The following ITGA11 variants were observed in gnomAD, a reference collection of about 807,000 sequenced individuals.
The protein encoded by ITGA11 is integrin alpha-11.
ITGA11 carries 97 observed loss-of-function variants against 141.9 expected under a neutral mutation model. That is an observed-to-expected ratio of 0.68 (90% confidence interval 0.58 to 0.81). The LOEUF is 0.81. ITGA11 is among the 30% of genes least tolerant of loss of function. The pLI is 0.00. For missense variants in ITGA11, 1,387 were observed against 1,559.2 expected, an observed-to-expected ratio of 0.89 and a Z score of 1.86; for synonymous variants, 658 against 624.6, an observed-to-expected ratio of 1.05 and a Z score of -0.80.
In ITGA11 at chr15:68,326,756, T is replaced by C. The variant is rs1388586283; in HGVS notation, c.2109A>G (p.Thr703=). ...YNATMDERRY[T]PRAHLDEGGD... Reference sequence around the variant, plus strand: ...CGCCCTCGTCCAGGTGGGCCCTCGGTGTATACCGCCTCTCATCCATGGTGG... The same window carrying C: ...CGCCCTCGTCCAGGTGGGCCCTCGGCGTATACCGCCTCTCATCCATGGTGG... Residue 703 remains threonine, a synonymous_variant, in exon 17 of 30, where the codon ACA becomes ACG. Transcript: ENST00000315757. This position sits in a 1 kb window ranked among gnomAD's most constrained non-coding sequence, Gnocchi z 6.8. 1 of 1,581,090 alleles carries C rather than the reference T, an allele frequency of 6.3e-7. No homozygotes were observed. Among genetic ancestry groups the C allele is most frequent in the East Asian group, 2.3e-5 (1 of 42,990 alleles).
intron 2 of ITGA11, among the ~76,000 whole-genome samples, chr15:68,371,557 A>C (rs916824625): frequency 1.3e-5 from 2 of 152,224 alleles, no homozygotes; most frequent in Admixed American, 1.3e-4. Flanking sequence ...GTACTAAAAA[A>C]TACAAAAAAA....
At chr15:68,380,675 C>T (rs1895838962) in intron 2 of ITGA11, among the ~76,000 whole-genome samples, 1 of 152,168 alleles carries the variant, frequency 6.6e-6, no homozygotes, top group Non-Finnish European at 1.5e-5. Context: ...GGCTGGGGCT[C>T]ACAGGGAGGG....
At chr15:68,390,355 C>A (rs1278522479) in intron 2 of ITGA11, among the ~76,000 whole-genome samples, 1 of 152,094 alleles carries the variant, frequency 6.6e-6, no homozygotes, top group East Asian at 1.9e-4. Context: ...CTCACTGGTG[C>A]CTGAGGTGGG....
chr15:68,336,009 C>T (rs1894344766), intron 11 of ITGA11, 164 bp from the exon 12 acceptor site: 4 of 804,354 alleles, frequency 5.0e-6, no homozygotes, highest in South Asian at 3.6e-5. Flanking sequence ...CTAGGGGCAG[C>T]TGGGGAGGCC....
intron 10 of ITGA11, among the ~76,000 whole-genome samples, chr15:68,345,625 C>G (rs535459830): frequency 6.6e-6 from 1 of 152,356 alleles, no homozygotes; most frequent in Non-Finnish European, 1.5e-5. Flanking sequence ...TAAACAGGCC[C>G]GGGGAAGCCC....
chr15:68,323,007 C>T (rs780637305), intron 18 of ITGA11, among the ~76,000 whole-genome samples: 2 of 152,142 alleles, frequency 1.3e-5, no homozygotes, highest in Admixed American at 6.5e-5. Flanking sequence ...CTGTCACTAC[C>T]GACAACACAG....
intron 20 of ITGA11, among the ~76,000 whole-genome samples, chr15:68,317,833 A>G (rs1000869334): frequency 2.6e-5 from 4 of 152,082 alleles, no homozygotes; most frequent in African/African-American, 9.7e-5. Flanking sequence ...ACCTGGGCAC[A>G]TGGCTGTGTA....
rs78875231 is a variant in ITGA11, at chr15:68,322,201, G to C, written c.2323-698C>G. Among the ~76,000 whole-genome samples, 1,267 of 152,318 alleles carry C rather than the reference G, an allele frequency of 8.3e-3. 28 individuals carry two copies. Among genetic ancestry groups the C allele is most frequent in the African/African-American group, 0.029 (1,213 of 41,560 alleles). ...CAGGGGTGGGAGAGAGGAAGAGATG[G>C]TCAGGGGCCTGTGTTTACAGGGCCT... On this transcript the variant is annotated intron_variant, in intron 18 of 29. Coordinates refer to ENST00000315757, the MANE Select transcript of ITGA11 (RefSeq NM_001004439.2). This position sits in a 1 kb window ranked among gnomAD's most constrained non-coding sequence, Gnocchi z 5.6.
At chr15:68,398,028 G>A (rs1219913572) in intron 2 of ITGA11, among the ~76,000 whole-genome samples, 16 of 150,942 alleles carry the variant, frequency 1.1e-4, no homozygotes, top group Admixed American at 2.0e-4. Context: ...AGGAACAACC[G>A]GTACCAGCCG....
chr15:68,400,570 T>C (rs1377506239), intron 2 of ITGA11, among the ~76,000 whole-genome samples: 2 of 108,908 alleles, frequency 1.8e-5, no homozygotes, highest in African/African-American at 7.1e-5. Flanking sequence ...ATATAATATA[T>C]ACAGAATATA....
In ITGA11 at chr15:68,322,513, G is replaced by A. The variant is rs1240927959; in HGVS notation, c.2323-1010C>T. Among the ~76,000 whole-genome samples the A allele has an allele frequency of 6.6e-6, 1 of 152,108 alleles. No homozygotes were observed. Among genetic ancestry groups the A allele is most frequent in the African/African-American group, 2.4e-5 (1 of 41,412 alleles). ...CGGGGCTGAGGGAGAAAGGGGTCCA[G>A]GGTGTCAGCTGAGTTTCTTTTTTAG... is the stretch of plus-strand genomic sequence containing the variant. On this transcript the variant is annotated intron_variant, in intron 18 of 29. Transcript: ENST00000315757. This position sits in a 1 kb window ranked among gnomAD's most constrained non-coding sequence, Gnocchi z 5.6.
At chr15:68,403,052 G>C (rs772801182) in intron 1 of ITGA11, 23 bp from the exon 2 acceptor site, 8 of 1,523,596 alleles carry the variant, frequency 5.3e-6, no homozygotes, top group Non-Finnish European at 7.3e-6. Context: ...GAGAGGAGAG[G>C]AGAAGCAGGG....
rs746256752 is a variant in ITGA11, at chr15:68,332,047, T to G, written c.1582A>C (p.Asn528His). Residue 528 changes from asparagine (N) to histidine (H), a missense_variant, in exon 14 of 30, where the codon AAC (asparagine) becomes CAC (histidine). Physicochemically the swap from Asn to His is moderately conservative, Grantham distance 68. Coordinates refer to ENST00000315757, the MANE Select transcript of ITGA11 (RefSeq NM_001004439.2). ...CTGTGTGAATCCTTTAGCGTTCCGT[T>G]ATAAACAAACAGGTTCTGCAAAACC... ...YELRQNLFVY[N>H]GTLKDSHSYQ... The G allele has an allele frequency of 1.1e-5, 17 of 1,604,260 alleles. No homozygotes were observed. The highest frequency in any genetic ancestry group is 5.1e-5 in the Admixed American group (3 of 58,320).
Position 68,305,518 on chromosome 15 carries a change from C to T in ITGA11, c.3382-1633G>A, listed in dbSNP as rs746374914. Among the ~76,000 whole-genome samples the T allele has an allele frequency of 2.0e-5, 3 of 152,140 alleles. No homozygotes were observed. Among genetic ancestry groups the T allele is most frequent in the South Asian group, 2.1e-4 (1 of 4,832 alleles). On this transcript the variant is annotated intron_variant, in intron 28 of 29. Coordinates refer to ENST00000315757, the MANE Select transcript of ITGA11 (RefSeq NM_001004439.2). This position sits in a 1 kb window ranked among gnomAD's most constrained non-coding sequence, Gnocchi z 4.6. ...GAATGTAGCAGGAGCTCAGCTAACA[C>T]GTGGAGTGAATGGACCACCTGCAAC...
chr15:68,393,502 A>G (rs1057165397), intron 2 of ITGA11, among the ~76,000 whole-genome samples: 4 of 152,194 alleles, frequency 2.6e-5, no homozygotes, highest in African/African-American at 9.6e-5. Flanking sequence ...ATTCAAAAGA[A>G]TGATAAAACT....
At position 68,325,370 on chromosome 15, in the gene ITGA11, T is replaced by A. The variant is rs1249596837; in HGVS notation, c.2212-129A>T. 4.4e-6 allele frequency: 3 copies of A among 675,208 alleles called. No individual in the cohort carries two copies. The highest frequency in any genetic ancestry group is 8.1e-6 in the Non-Finnish European group (3 of 371,908). The allele number at this position is 675,208 out of a possible 1,614,324, so 41.8% of individuals were successfully genotyped here. On this transcript the variant is annotated intron_variant, in intron 17 of 29. Transcript: ENST00000315757. This position sits in a 1 kb window ranked among gnomAD's most constrained non-coding sequence, Gnocchi z 5.5. ...GGGCAGCTGCCCTGTGCCCTCAGGG[T>A]GAGTCTGCAGGTGGATGGAGGTTTC...
At position 68,299,736 on chromosome 15, in the gene ITGA11, T is replaced by G. The variant is rs1485576762; in HGVS notation, c.*3323A>C. ...CTAATGTCTTATTCTCAGACAGTATTGATGCTAAAACCTTTTGAATACTGA... is the reference window on the plus strand; with the variant it reads ...CTAATGTCTTATTCTCAGACAGTATGGATGCTAAAACCTTTTGAATACTGA... On this transcript the variant is annotated 3_prime_UTR_variant, in exon 30 of 30. Coordinates refer to ENST00000315757, the MANE Select transcript of ITGA11 (RefSeq NM_001004439.2). 2.6e-5 allele frequency: 4 copies of G among 152,224 alleles called. No individual in the cohort carries two copies. The highest frequency in any genetic ancestry group is 9.6e-5 in the African/African-American group (4 of 41,452). 9.4% of individuals were successfully genotyped at this position (152,224 alleles called of 1,614,324 possible).
At chr15:68,393,055 A>G (rs556839791) in intron 2 of ITGA11, among the ~76,000 whole-genome samples, 1 of 152,246 alleles carries the variant, frequency 6.6e-6, no homozygotes, top group Non-Finnish European at 1.5e-5. Context: ...AAAAGAATCC[A>G]GTGGACATTC....
Position 68,421,184 on chromosome 15 carries a change from C to T in ITGA11, c.52+10831G>A, listed in dbSNP as rs1897007989. 1.4e-5 allele frequency among the ~76,000 whole-genome samples: 2 copies of T among 145,670 alleles called. 1 individual carries two copies. Among genetic ancestry groups the T allele is most frequent in the Non-Finnish European group, 3.0e-5 (2 of 66,554 alleles). On this transcript the variant is annotated intron_variant, in intron 1 of 29. Coordinates refer to ENST00000315757, the MANE Select transcript of ITGA11 (RefSeq NM_001004439.2). The stretch of plus-strand genomic sequence containing the variant: ...CATGTTCTATCTGTGCTTGGAGGAG[C>T]TTCCTCAGGTGGGAGGGGGAGGCTG...
Sources: gnomAD v4.1 joint callset for allele counts (sites outside exome capture counted in the v4.1 genomes callset) on GRCh38, gnomAD v4.1.1 for gene constraint, Gnocchi (gnomAD v3.1) non-coding constraint, MANE v1.5 for transcripts, NCBI Gene and HGNC (gene_info 2026-07-23, HGNC 2026-07-21) for gene names.